ARHGAP26: variants seen among roughly 807,000 people sequenced by gnomAD.
The protein encoded by ARHGAP26 is Rho GTPase activating protein 26, also known as rho GTPase-activating protein 26.
In ARHGAP26, 38 loss-of-function variants were observed where a neutral mutation model predicts 104.8. That is an observed-to-expected ratio of 0.36 (90% CI 0.28 to 0.48). ARHGAP26 has a LOEUF of 0.48. Ranked by LOEUF, ARHGAP26 falls within the 20% of genes least tolerant of loss-of-function variation. The probability of loss-of-function intolerance (pLI) is 0.99; values close to 1 mark genes in which losing one functional copy is unlikely to be tolerated. For synonymous variants in ARHGAP26, 341 were observed against 340.0 expected (o/e 1.00, Z -0.03); for missense variants, 704 against 947.9 (o/e 0.74, Z 3.38).
At chr5:142,913,457 A>G (rs1762094077) in intron 10 of ARHGAP26, among the ~76,000 whole-genome samples, 164 bp downstream of exon 10, 1 of 132,482 alleles carries the variant, frequency 7.5e-6, no homozygotes, top group Non-Finnish European at 1.5e-5. Flanking sequence ...CCATTCATCT[A>G]TGTCCAGGGT....
At chr5:143,059,497 C>G (rs886706909) in intron 17 of ARHGAP26, among the ~76,000 whole-genome samples, 1 of 152,208 alleles carries the variant, frequency 6.6e-6, no homozygotes, top group African/African-American at 2.4e-5. Context: ...TAAGGTAGAT[C>G]TTGAACAGTT....
chr5:143,168,445 C>CTTTTTTTTTTTTTTTTTTTTTTTTTTTT lies in ARHGAP26; in HGVS notation c.1988+21068_1988+21095dup, dbSNP rs10610584. ...CAAATAGACCTCACCATCTGGAACTCTTTTTTTTTTTTTTTTTTTTTTTTT... is the reference window on the plus strand; with the variant it reads ...CAAATAGACCTCACCATCTGGAACTCTTTTTTTTTTTTTTTTTTTTTTTTTTTTTTTTTTTTTTTTTTTTTTTTTTTTT... On this transcript the variant is annotated intron_variant, in intron 20 of 22. Transcript: ENST00000645722. 9 of 25,708 alleles carry CTTTTTTTTTTTTTTTTTTTTTTTTTTTT rather than the reference C, an allele frequency of 3.5e-4. 2 individuals carry two copies. The highest frequency in any genetic ancestry group is 6.2e-4 in the Non-Finnish European group (9 of 14,546). The allele number at this position is 25,708 out of a possible 1,614,324, so 1.6% of individuals were successfully genotyped here.
chr5:143,088,850 G>A (rs991508229), intron 17 of ARHGAP26, among the ~76,000 whole-genome samples: 8 of 152,140 alleles, frequency 5.3e-5, no homozygotes, highest in African/African-American at 1.9e-4. Flanking sequence ...TTTAAAGAGA[G>A]TGACGGGGTG....
At chr5:142,962,485 A>G (rs1770420451) in intron 11 of ARHGAP26, among the ~76,000 whole-genome samples, 1 of 152,226 alleles carries the variant, frequency 6.6e-6, no homozygotes, top group South Asian at 2.1e-4. Flanking sequence ...TTGAATAATA[A>G]TATGATAACG....
intron 1 of ARHGAP26, among the ~76,000 whole-genome samples, chr5:142,827,702 C>T (rs962401192): frequency 6.6e-6 from 1 of 152,144 alleles, no homozygotes; most frequent in African/African-American, 2.4e-5. Flanking sequence ...CTGCTGCTTA[C>T]CCTCTGGTGA....
chr5:142,921,483 C>T (rs180880773), intron 10 of ARHGAP26: 69 of 167,130 alleles, frequency 4.1e-4, no homozygotes, highest in African/African-American at 1.4e-3. Context: ...GCTATTTAAA[C>T]TAAACTTTTA....
chr5:142,774,360 A>G (rs1755855425), intron 1 of ARHGAP26, among the ~76,000 whole-genome samples: 1 of 151,924 alleles, frequency 6.6e-6, no homozygotes, highest in African/African-American at 2.4e-5. Flanking sequence ...TGTAGTTCTC[A>G]ATTCATTGAC....
At chr5:143,082,000 A>T (rs185057789) in intron 17 of ARHGAP26, among the ~76,000 whole-genome samples, 43 of 121,908 alleles carry the variant, frequency 3.5e-4, no homozygotes, top group African/African-American at 1.2e-3. Context: ...ACAGAGGGAG[A>T]CTCCATCTCA....
At chr5:143,214,844 A>T (rs917373957) in intron 22 of ARHGAP26, among the ~76,000 whole-genome samples, 1 of 152,238 alleles carries the variant, frequency 6.6e-6, no homozygotes. Flanking sequence ...CCAGAACTGC[A>T]TGTGGGCGTC....
chr5:142,820,943 C>T (rs549347790), intron 1 of ARHGAP26, among the ~76,000 whole-genome samples: 64 of 152,256 alleles, frequency 4.2e-4, no homozygotes, highest in African/African-American at 1.2e-3. Context: ...CCTCCACCTC[C>T]GCTAGAAATC....
chr5:143,157,549 C>T (rs893398167), intron 20 of ARHGAP26, among the ~76,000 whole-genome samples: 4 of 152,312 alleles, frequency 2.6e-5, no homozygotes, highest in Admixed American at 2.6e-4. Context: ...ATCTCTTACG[C>T]TACATTTCCT....
At chr5:142,990,517 C>T (rs1311022723) in intron 11 of ARHGAP26, among the ~76,000 whole-genome samples, 1 of 152,170 alleles carries the variant, frequency 6.6e-6, no homozygotes, top group East Asian at 1.9e-4. Context: ...GAGCTGCATT[C>T]CTTGGGAGGA....
At chr5:143,123,287 A>C (rs1035798985) in intron 18 of ARHGAP26, among the ~76,000 whole-genome samples, 1 of 152,206 alleles carries the variant, frequency 6.6e-6, no homozygotes, top group Admixed American at 6.5e-5. Flanking sequence ...TCTTTGTGAG[A>C]GCAATTGGAA....
chr5:143,143,694 C>T (rs939921100), intron 19 of ARHGAP26, among the ~76,000 whole-genome samples: 5 of 152,286 alleles, frequency 3.3e-5, no homozygotes, highest in South Asian at 2.1e-4. Context: ...TAACCATTCA[C>T]GGAGCCTTAG....
At chr5:142,934,210 G>T (rs142860402) in intron 11 of ARHGAP26, among the ~76,000 whole-genome samples, 3 of 152,154 alleles carry the variant, frequency 2.0e-5, no homozygotes, top group African/African-American at 4.8e-5. Flanking sequence ...CTCTGTCTGC[G>T]TATAATTGGT....
chr5:142,932,570 A>C (rs1764880510), intron 11 of ARHGAP26, among the ~76,000 whole-genome samples: 1 of 152,212 alleles, frequency 6.6e-6, no homozygotes, highest in Non-Finnish European at 1.5e-5. Flanking sequence ...AATCCATAAG[A>C]GCCCTGGAAT....
intron 6 of ARHGAP26, among the ~76,000 whole-genome samples, chr5:142,896,465 A>G (rs1188388763): frequency 1.3e-5 from 2 of 152,170 alleles, no homozygotes; most frequent in Non-Finnish European, 2.9e-5. Flanking sequence ...ACCTCATACA[A>G]CAATAGATGT....
At chr5:143,011,170 C>G (rs1176995227) in intron 11 of ARHGAP26, among the ~76,000 whole-genome samples, 2 of 152,136 alleles carry the variant, frequency 1.3e-5, no homozygotes, top group Middle Eastern at 3.2e-3. Context: ...TTTCACCTTC[C>G]AAGGACCTGT....
At chr5:143,105,176 G>A (rs1238091426) in intron 17 of ARHGAP26, among the ~76,000 whole-genome samples, 3 of 152,112 alleles carry the variant, frequency 2.0e-5, no homozygotes, top group African/African-American at 7.2e-5. Context: ...GGGAGTTTGA[G>A]ACCAGCTTGA....
Sources: allele counts gnomAD v4.1 joint callset (sites outside exome capture counted in the v4.1 genomes callset), GRCh38; gene constraint gnomAD v4.1.1; transcripts MANE v1.5; gene names NCBI Gene and HGNC (gene_info 2026-07-23, HGNC 2026-07-21).